Variants in PPFIA2 observed in about 807,000 individuals in gnomAD.
PPFIA2 encodes PPFI scaffold protein A2.
A neutral mutation model predicts 175.5 loss-of-function variants in PPFIA2; 46 were observed. The ratio of observed to expected loss-of-function variants is 0.26; its 90% CI spans 0.21 to 0.34. The LOEUF (loss-of-function observed/expected upper bound fraction) is 0.34. Ranked by LOEUF, PPFIA2 falls within the 10% of genes least tolerant of loss-of-function variation. The pLI is 1.00. For synonymous variants in PPFIA2, 568 were observed against 511.4 expected, an observed-to-expected ratio of 1.11 and a Z score of -1.49; for missense variants, 1,179 against 1,506.1, an observed-to-expected ratio of 0.78 and a Z score of 3.60.
chr12:81,623,713 T>C (rs1215845688), intron 4 of PPFIA2, among the ~76,000 whole-genome samples: 1 of 151,958 alleles, frequency 6.6e-6, no homozygotes, highest in Non-Finnish European at 1.5e-5. Flanking sequence ...GGATATTATG[T>C]TTTTGAGTTT....
intron 14 of PPFIA2, among the ~76,000 whole-genome samples, chr12:81,363,430 C>T (rs1166139342): frequency 6.6e-6 from 1 of 151,464 alleles, no homozygotes; most frequent in African/African-American, 2.4e-5. Flanking sequence ...CTCAAATTGG[C>T]ATTTTCTGGT....
rs772225593 is a variant in PPFIA2 at position 81,358,115 on chromosome 12, T to C, written c.1740A>G (p.Arg580=). 1.7e-5 allele frequency: 28 copies of C among 1,605,114 alleles called. No individual in the cohort carries two copies. Among genetic ancestry groups the C allele is most frequent in the Non-Finnish European group, 2.3e-5 (27 of 1,175,490 alleles). The change falls in exon 16 of 33, where the codon AGA becomes AGG. Residue 580 remains arginine, a synonymous_variant. Coordinates refer to ENST00000549396, the MANE Select transcript of PPFIA2 (RefSeq NM_003625.5). ...CATCTCTTCGCACACCCATGCGGCC[T>C]CTCCTTGGTCTTCTTATTACTTTAG... is the stretch of plus-strand genomic sequence containing the variant. ...RTTKVIRRPR[R]GRMGVRRDEP... is the part of the protein sequence containing the mutation.
chr12:81,457,842 A>G lies in PPFIA2; in HGVS notation c.328T>C (p.Leu110=), dbSNP rs759003658. 5 of 1,607,226 alleles carry G rather than the reference A, an allele frequency of 3.1e-6. No homozygotes were observed. The highest frequency in any genetic ancestry group is 4.2e-6 in the Non-Finnish European group (5 of 1,177,078). The change falls in exon 5 of 33, where the codon TTA becomes CTA. Residue 110 remains leucine (L), a synonymous_variant. Coordinates refer to ENST00000549396, the MANE Select transcript of PPFIA2 (RefSeq NM_003625.5). ...PPEFAALTKE[L]NACREQLLEK... ...AGAAGTTGTTCCCTGCAGGCATTTA[A>G]TTCTTTTGTCAGTGCAGCAAATTCC...
intron 21 of PPFIA2, among the ~76,000 whole-genome samples, chr12:81,338,320 A>C (rs972960927): frequency 6.6e-6 from 1 of 152,152 alleles, no homozygotes; most frequent in African/African-American, 2.4e-5. Flanking sequence ...TAATATATAG[A>C]AAGACAACCC....
intron 4 of PPFIA2, among the ~76,000 whole-genome samples, chr12:81,585,070 TAA>T (rs1342306319): frequency 8.4e-6 from 1 of 118,712 alleles, no homozygotes; most frequent in Non-Finnish European, 1.7e-5. Flanking sequence ...ATATAATATA[TAA>T]ATATAATATA....
intron 4 of PPFIA2, among the ~76,000 whole-genome samples, chr12:81,516,980 A>G (rs924517523): frequency 6.6e-6 from 1 of 152,198 alleles, no homozygotes; most frequent in Admixed American, 6.5e-5. Flanking sequence ...AATCTTAGAC[A>G]TGAAACCAAG....
At chr12:81,493,526 C>T in intron 4 of PPFIA2, among the ~76,000 whole-genome samples, 1 of 151,806 alleles carries the variant, frequency 6.6e-6, no homozygotes, top group South Asian at 2.1e-4. Flanking sequence ...AATCTGTCAC[C>T]AGATTTGGCA....
intron 7 of PPFIA2, among the ~76,000 whole-genome samples, chr12:81,433,684 GAAC>G (rs914061088): frequency 1.3e-5 from 2 of 152,074 alleles, no homozygotes; most frequent in African/African-American, 4.8e-5. Flanking sequence ...AATAGTCAAA[GAAC>G]AACATGAAAA....
In PPFIA2 at chr12:81,633,849, G is replaced by A. The variant is rs1595830131; in HGVS notation, c.303+42942C>T. On this transcript the variant is annotated intron_variant, in intron 4 of 32. Transcript: ENST00000549396. ...TTTGTGTTTGGAGCAGGGGGGAGAGGAAGGTGGGTAATAGAGAGGTTGCTT... is the reference window on the plus strand; with the variant it reads ...TTTGTGTTTGGAGCAGGGGGGAGAGAAAGGTGGGTAATAGAGAGGTTGCTT... 1.1e-4 allele frequency among the ~76,000 whole-genome samples: 17 copies of A among 152,078 alleles called. No individual in the cohort carries two copies. The South Asian group carries it at 3.5e-3, about 32-fold the overall frequency.
At chr12:81,270,078 A>G (rs1203923630) in intron 28 of PPFIA2, among the ~76,000 whole-genome samples, 1 of 152,222 alleles carries the variant, frequency 6.6e-6, no homozygotes, top group Non-Finnish European at 1.5e-5. Flanking sequence ...TGAAATAAAA[A>G]AACAATAAAT....
At chr12:81,508,027 A>T (rs1183022075) in intron 4 of PPFIA2, among the ~76,000 whole-genome samples, 1 of 152,218 alleles carries the variant, frequency 6.6e-6, no homozygotes, top group Non-Finnish European at 1.5e-5. Context: ...TACTTCTGAC[A>T]TAAATAAGTG....
At position 81,273,860 on chromosome 12, in the gene PPFIA2, C is replaced by G. The variant is rs2039809307; in HGVS notation, c.3310+3457G>C. Among the ~76,000 whole-genome samples the G allele has an allele frequency of 2.0e-5, 3 of 151,924 alleles. No individual in the cohort carries two copies. The South Asian group carries it at 6.2e-4, about 32-fold the overall frequency. ...AGAAGGACATTTATTGTCCTCCCCT[C>G]AGAGTTTTGCCTCTTTCTCCCCGCC... On this transcript the variant is annotated intron_variant, in intron 28 of 32. Transcript: ENST00000549396.
chr12:81,500,902 C>A lies in PPFIA2; in HGVS notation c.304-43036G>T, dbSNP rs147991456. Among the ~76,000 whole-genome samples, 284 of 152,328 alleles carry A rather than the reference C, an allele frequency of 1.9e-3. 2 individuals carry two copies. The highest frequency in any genetic ancestry group is 6.6e-3 in the African/African-American group (276 of 41,580). ...CCTCTTCTGTGTCTGACCTCTGCTCCTCATAATCAGATTAACTCAGATAAA... is the reference window on the plus strand; with the variant it reads ...CCTCTTCTGTGTCTGACCTCTGCTCATCATAATCAGATTAACTCAGATAAA... On this transcript the variant is annotated intron_variant, in intron 4 of 32. Transcript: ENST00000549396.
intron 4 of PPFIA2, among the ~76,000 whole-genome samples, chr12:81,649,567 G>T (rs1459454262): frequency 6.6e-6 from 1 of 152,152 alleles, no homozygotes; most frequent in Non-Finnish European, 1.5e-5. Flanking sequence ...GTAGGTATCT[G>T]CTCAAGAGGT....
chr12:81,304,459 G>A (rs2048654693), intron 22 of PPFIA2, among the ~76,000 whole-genome samples: 1 of 152,162 alleles, frequency 6.6e-6, no homozygotes, highest in South Asian at 2.1e-4. Flanking sequence ...AAAATAAGTT[G>A]AGCCATTGAT....
At chr12:81,397,196 G>C (rs902111357) in intron 8 of PPFIA2, among the ~76,000 whole-genome samples, 1 of 152,046 alleles carries the variant, frequency 6.6e-6, no homozygotes, top group Non-Finnish European at 1.5e-5. Context: ...AATAGGATGA[G>C]ATTGATTGGA....
chr12:81,628,183 T>C (rs2062945174), intron 4 of PPFIA2, among the ~76,000 whole-genome samples: 2 of 152,132 alleles, frequency 1.3e-5, no homozygotes, highest in African/African-American at 2.4e-5. Context: ...AAAATTCTTT[T>C]TTTGAACTGA....
intron 4 of PPFIA2, among the ~76,000 whole-genome samples, chr12:81,655,760 CTA>C (rs2153538684): frequency 6.6e-6 from 1 of 152,032 alleles, no homozygotes; most frequent in African/African-American, 2.4e-5. Flanking sequence ...AGTAAGCGCT[CTA>C]TATATGTCAC....
At chr12:81,445,765 C>T (rs1298740142) in intron 5 of PPFIA2, 45 bp from the exon 6 acceptor site, 1 of 1,551,930 alleles carries the variant, frequency 6.4e-7, no homozygotes, top group Non-Finnish European at 8.8e-7. Context: ...GAATACAAGT[C>T]ATAAATACTT....
Sources: gnomAD v4.1 joint callset for allele counts (sites outside exome capture counted in the v4.1 genomes callset) on GRCh38, gnomAD v4.1.1 for gene constraint, MANE v1.5 for transcripts, NCBI Gene and HGNC (gene_info 2026-07-23, HGNC 2026-07-21) for gene names.